Variants in STAM2 observed in about 807,000 individuals in gnomAD.
STAM2 encodes the protein signal transducing adapter molecule 2.
Under a neutral mutation model 65.6 loss-of-function variants are expected in STAM2, and 51 were observed. That is an observed-to-expected ratio of 0.78 (90% CI 0.62 to 0.98). The LOEUF (loss-of-function observed/expected upper bound fraction) is 0.98. Ranked by LOEUF, STAM2 falls within the 50% of genes least tolerant of loss-of-function variation. The pLI, the probability that STAM2 is intolerant of heterozygous loss-of-function variation, is 0.00. For synonymous variants in STAM2, 198 were observed against 208.4 expected, an observed-to-expected ratio of 0.95 and a Z score of 0.43; for missense variants, 584 against 617.8, an observed-to-expected ratio of 0.95 and a Z score of 0.58.
intron 1 of STAM2, among the ~76,000 whole-genome samples, chr2:152,171,242 A>T (rs1281412161): frequency 1.3e-5 from 2 of 152,184 alleles, no homozygotes; most frequent in Non-Finnish European, 2.9e-5. Flanking sequence ...AAAAAAAAGA[A>T]TCAAGTATAT....
intron 10 of STAM2, among the ~76,000 whole-genome samples, chr2:152,132,562 A>G (rs889136446): frequency 1.4e-4 from 22 of 152,154 alleles, no homozygotes; most frequent in Admixed American, 1.4e-3. Context: ...ACATTTCAAG[A>G]TTAAACATAC....
In STAM2 at chr2:152,148,485, C is replaced by G. The variant is rs1477237134; in HGVS notation, c.126-185G>C. Among the ~76,000 whole-genome samples the G allele has an allele frequency of 2.6e-5, 4 of 151,988 alleles. No individual in the cohort carries two copies. The East Asian group carries it at 7.7e-4, about 29-fold the overall frequency. On this transcript the variant is annotated intron_variant, in intron 2 of 13. Transcript: ENST00000263904. ...ATGAATTTGAGACCAGCCTGGAAAA[C>G]AAAGTAAGATCTCATCTCTATAAAA...
rs1421575519 is a variant in STAM2 at position 152,118,524 on chromosome 2, G to T, written c.*2050C>A. 6.6e-6 allele frequency: 1 copy of T among 150,772 alleles called. No individual in the cohort carries two copies. The highest frequency in any genetic ancestry group is 1.9e-4 in the East Asian group (1 of 5,182). The allele number at this position is 150,772 out of a possible 1,614,324, so 9.3% of individuals were successfully genotyped here. A position where few individuals can be genotyped will look rare whatever the true frequency, so the allele number is the denominator to read the frequency against. On this transcript the variant is annotated 3_prime_UTR_variant, in exon 14 of 14. Transcript: ENST00000263904. ...AATGGCTGATCCCAATTTAGTGGGTGTGCAGTAATTATATTGGCTCAAAGA... is the reference window on the plus strand; with the variant it reads ...AATGGCTGATCCCAATTTAGTGGGTTTGCAGTAATTATATTGGCTCAAAGA...
chr2:152,127,675 C>A (rs1579311885), intron 11 of STAM2, among the ~76,000 whole-genome samples: 1 of 151,542 alleles, frequency 6.6e-6, no homozygotes, highest in East Asian at 1.9e-4. Flanking sequence ...CTAATCTCTA[C>A]AGCTCATTTG....
At chr2:152,152,021 C>G (rs1354930123) in intron 1 of STAM2, among the ~76,000 whole-genome samples, 2 of 152,024 alleles carry the variant, frequency 1.3e-5, no homozygotes, top group African/African-American at 4.8e-5. Context: ...CTCACTGCAG[C>G]CTTTATCTCC....
At chr2:152,151,149 C>A in intron 1 of STAM2, among the ~76,000 whole-genome samples, 1 of 147,874 alleles carries the variant, frequency 6.8e-6, no homozygotes, top group African/African-American at 2.5e-5. Flanking sequence ...AAGCTAACAG[C>A]AGAAGAATTT....
At chr2:152,174,384 A>C (rs1689969077) in intron 1 of STAM2, among the ~76,000 whole-genome samples, 1 of 152,216 alleles carries the variant, frequency 6.6e-6, no homozygotes, top group Non-Finnish European at 1.5e-5. Flanking sequence ...GTGAGCCTTA[A>C]GAGTGATGTT....
At chr2:152,162,545 C>T (rs1689701837) in intron 1 of STAM2, among the ~76,000 whole-genome samples, 1 of 152,228 alleles carries the variant, frequency 6.6e-6, no homozygotes, top group African/African-American at 2.4e-5. Context: ...TGCCACTGTA[C>T]TCCAGCCTGG....
chr2:152,134,821 A>G (rs1689125257), intron 8 of STAM2, among the ~76,000 whole-genome samples: 1 of 152,240 alleles, frequency 6.6e-6, no homozygotes, highest in African/African-American at 2.4e-5. Context: ...ATTTCTGATT[A>G]CCATCATTAG....
chr2:152,131,960 C>A, intron 11 of STAM2, 154 bp downstream of exon 11: 3 of 567,300 alleles, frequency 5.3e-6, no homozygotes, highest in Non-Finnish European at 9.3e-6. Flanking sequence ...TAAAAAGCAC[C>A]ACCTTGCTAT....
intron 7 of STAM2, among the ~76,000 whole-genome samples, chr2:152,143,123 A>G (rs1039990495): frequency 1.3e-5 from 2 of 152,234 alleles, no homozygotes; most frequent in East Asian, 3.8e-4. Flanking sequence ...AGTTGATTAC[A>G]TAACATTTTC....
At chr2:152,141,654 G>A (rs796788165) in intron 7 of STAM2, among the ~76,000 whole-genome samples, 6 of 151,342 alleles carry the variant, frequency 4.0e-5, no homozygotes, top group South Asian at 2.1e-4. Flanking sequence ...GCAATGGCAC[G>A]ATCTCGGCTC....
chr2:152,165,137 A>C (rs1269399600), intron 1 of STAM2, among the ~76,000 whole-genome samples: 1 of 152,142 alleles, frequency 6.6e-6, no homozygotes, highest in Non-Finnish European at 1.5e-5. Flanking sequence ...TAAAGGAAAA[A>C]TGAGTCGGTC....
chr2:152,133,317 T>C lies in STAM2; in HGVS notation c.883-57A>G, dbSNP rs371120470. 868 of 1,543,556 alleles carry C rather than the reference T, an allele frequency of 5.6e-4. 14 individuals carry two copies. The Middle Eastern group carries it at 6.1e-3, about 11-fold the overall frequency. On this transcript the variant is annotated intron_variant, in intron 9 of 13. Transcript: ENST00000263904. The stretch of plus-strand genomic sequence containing the variant: ...TCAAGAGTTTTAACTTCAGTAAATA[T>C]GAAATTACTCTTTCCAAGCATTCTC...
chr2:152,129,553 A>G (rs1393905449), intron 11 of STAM2, among the ~76,000 whole-genome samples: 1 of 152,194 alleles, frequency 6.6e-6, no homozygotes, highest in Non-Finnish European at 1.5e-5. Flanking sequence ...TTTTCATTAT[A>G]TAATATCTGC....
At chr2:152,131,375 C>T (rs1689058891) in intron 11 of STAM2, among the ~76,000 whole-genome samples, 1 of 151,996 alleles carries the variant, frequency 6.6e-6, no homozygotes, top group South Asian at 2.1e-4. Flanking sequence ...ATTGCTTGAA[C>T]CGGGGAGGCA....
intron 7 of STAM2, among the ~76,000 whole-genome samples, chr2:152,136,892 C>CT (rs746931542): frequency 0.021 from 2,727 of 130,104 alleles, 55 homozygotes; most frequent in African/African-American, 0.032. Context: ...AAACATTTTT[C>CT]TTTTTTTTTT....
intron 1 of STAM2, among the ~76,000 whole-genome samples, chr2:152,160,985 G>A (rs374447546): frequency 8.5e-5 from 13 of 152,082 alleles, no homozygotes; most frequent in African/African-American, 2.2e-4. Context: ...CCACCACCCC[G>A]TCTGGGAGGT....
At chr2:152,124,195 G>C in intron 12 of STAM2, 1 of 404,700 alleles carries the variant, frequency 2.5e-6, no homozygotes, top group South Asian at 3.1e-5. Context: ...CTTTTAAGTA[G>C]TGGATTGCAA....
Sources: gnomAD v4.1 joint callset for allele counts (sites outside exome capture counted in the v4.1 genomes callset) on GRCh38, gnomAD v4.1.1 for gene constraint, MANE v1.5 for transcripts, NCBI Gene and HGNC (gene_info 2026-07-23, HGNC 2026-07-21) for gene names.